The following FBP1 variants were observed in gnomAD, a reference collection of about 807,000 sequenced individuals.
FBP1 encodes the protein fructose-1,6-bisphosphatase 1.
Under a neutral mutation model 29.9 loss-of-function variants are expected in FBP1, and 22 were observed. The observed-to-expected ratio is 0.74, with a 90% confidence interval of 0.53 to 1.05. The LOEUF (loss-of-function observed/expected upper bound fraction) is 1.05, where lower values mean the gene tolerates loss of function less well. FBP1 is among the 50% of genes least tolerant of loss of function. The probability of loss-of-function intolerance (pLI) is 0.00; values close to 1 mark genes in which losing one functional copy is unlikely to be tolerated. For synonymous variants in FBP1, 175 were observed against 178.6 expected, an observed-to-expected ratio of 0.98 and a Z score of 0.16; for missense variants, 345 against 448.2, an observed-to-expected ratio of 0.77 and a Z score of 2.08.
chr9:94,634,071 A>C (rs371440455), intron 1 of FBP1, among the ~76,000 whole-genome samples: 3 of 150,854 alleles, frequency 2.0e-5, no homozygotes, highest in Non-Finnish European at 3.0e-5. Flanking sequence ...GGGCGGGCAG[A>C]TCACCTGAGG....
intron 3 of FBP1, among the ~76,000 whole-genome samples, chr9:94,613,346 T>C (rs569827425): frequency 6.6e-6 from 1 of 152,338 alleles, no homozygotes; most frequent in African/African-American, 2.4e-5. Context: ...TCAAAGAATC[T>C]TATTTTCTTA....
chr9:94,606,755 G>A (rs1302554595), intron 5 of FBP1, 60 bp downstream of exon 5: 1 of 1,561,128 alleles, frequency 6.4e-7, no homozygotes, highest in Non-Finnish European at 8.7e-7. Flanking sequence ...CCTGCCTCCA[G>A]AACGGCCTCT....
At chr9:94,616,550 C>T (rs1827865868) in intron 3 of FBP1, among the ~76,000 whole-genome samples, 1 of 150,182 alleles carries the variant, frequency 6.7e-6, no homozygotes, top group African/African-American at 2.5e-5. Flanking sequence ...AAGCGATTCT[C>T]CTGCCTCAGC....
At chr9:94,615,795 C>T (rs536076176) in intron 3 of FBP1, among the ~76,000 whole-genome samples, 1 of 150,538 alleles carries the variant, frequency 6.6e-6, no homozygotes, top group South Asian at 2.1e-4. Context: ...CAATAAGTCA[C>T]TTTTAGAGAT....
In FBP1 at chr9:94,617,697, A is replaced by G. The variant is rs149298462; in HGVS notation, c.426+71T>C. The G allele has an allele frequency of 2.4e-4, 233 of 978,040 alleles. No homozygotes were observed. In the African/African-American group the frequency reaches 3.5e-3, roughly 15 times the overall value. 60.6% of individuals were successfully genotyped at this position (978,040 alleles called of 1,614,324 possible). On this transcript the variant is annotated intron_variant, in intron 3 of 6. Transcript: ENST00000375326. ...ATCTCCACTCCGGCTGCTCTGCCACAGTGAAATAGGACTGGATGCTCAATC... is the reference window on the plus strand; with the variant it reads ...ATCTCCACTCCGGCTGCTCTGCCACGGTGAAATAGGACTGGATGCTCAATC...
At chr9:94,603,666 A>C (rs1827648897) in intron 6 of FBP1, 94 bp from the exon 7 acceptor site, 9 of 1,156,088 alleles carry the variant, frequency 7.8e-6, no homozygotes, top group Non-Finnish European at 1.2e-5. Context: ...AGCTGGTGGG[A>C]GTTTCCAAGG....
intron 3 of FBP1, among the ~76,000 whole-genome samples, chr9:94,616,050 A>T (rs929792344): frequency 3.3e-5 from 5 of 152,162 alleles, no homozygotes; most frequent in East Asian, 1.9e-4. Context: ...GGATGGTCTC[A>T]ATCTCCTGAC....
chr9:94,629,380 T>TG (rs1354120197), intron 1 of FBP1, among the ~76,000 whole-genome samples: 1 of 152,142 alleles, frequency 6.6e-6, no homozygotes, highest in African/African-American at 2.4e-5. Context: ...GCTGTTGATA[T>TG]GGGGGCGCTT....
In FBP1 at chr9:94,639,454, C is replaced by A; in HGVS notation, c.-144G>T. On this transcript the variant is annotated 5_prime_UTR_variant, in exon 1 of 7. Coordinates refer to ENST00000375326, the MANE Select transcript of FBP1 (RefSeq NM_000507.4). ...GGCAGGTGCGGGCCGCGGGACCTGG[C>A]GGGAGGACTGACAGACCGACTGCCG... is the stretch of plus-strand genomic sequence containing the variant. 1 of 934,920 alleles carries A rather than the reference C, an allele frequency of 1.1e-6. No homozygotes were observed. Among genetic ancestry groups the A allele is most frequent in the Non-Finnish European group, 1.7e-6 (1 of 601,002 alleles). 57.9% of individuals were successfully genotyped at this position (934,920 alleles called of 1,614,324 possible). A position where few individuals can be genotyped will look rare whatever the true frequency, so the allele number is the denominator to read the frequency against.
intron 1 of FBP1, among the ~76,000 whole-genome samples, chr9:94,626,961 G>T (rs1338132728): frequency 1.3e-5 from 2 of 152,138 alleles, no homozygotes; most frequent in Non-Finnish European, 2.9e-5. Context: ...GGCTGAGGCA[G>T]GTGGATCACC....
At chr9:94,630,743 C>T (rs1227871159) in intron 1 of FBP1, among the ~76,000 whole-genome samples, 1 of 152,236 alleles carries the variant, frequency 6.6e-6, no homozygotes, top group Non-Finnish European at 1.5e-5. Flanking sequence ...GAACTCAGCA[C>T]CAGAAAGACC....
chr9:94,628,473 CAG>C (rs1828057938), intron 1 of FBP1, among the ~76,000 whole-genome samples: 1 of 151,972 alleles, frequency 6.6e-6, no homozygotes, highest in African/African-American at 2.4e-5. Context: ...GGAGAAATGT[CAG>C]AGCATAAGGA....
chr9:94,640,171 G>A (rs1438432448), upstream of FBP1: 1 of 152,216 alleles, frequency 6.6e-6, no homozygotes, highest in Non-Finnish European at 1.5e-5. Flanking sequence ...GAAAACGGTC[G>A]CTGACACAGA....
chr9:94,628,622 C>T (rs530130327), intron 1 of FBP1, among the ~76,000 whole-genome samples: 1 of 152,244 alleles, frequency 6.6e-6, no homozygotes, highest in East Asian at 1.9e-4. Flanking sequence ...AGCAAGGAGG[C>T]CAAACGGGCT....
At chr9:94,616,956 GA>G (rs1827873435) in intron 3 of FBP1, among the ~76,000 whole-genome samples, 1 of 150,516 alleles carries the variant, frequency 6.6e-6, no homozygotes, top group South Asian at 2.1e-4. Flanking sequence ...CTCTCTCTCA[GA>G]AAAAGCAGCT....
At chr9:94,636,259 C>T (rs1016479654) in intron 1 of FBP1, among the ~76,000 whole-genome samples, 5 of 151,956 alleles carry the variant, frequency 3.3e-5, no homozygotes, top group Non-Finnish European at 5.9e-5. Flanking sequence ...GTGGGCAGAT[C>T]GCTTGAGCCC....
intron 1 of FBP1, among the ~76,000 whole-genome samples, chr9:94,638,810 C>T (rs1167423986): frequency 6.6e-6 from 1 of 152,164 alleles, no homozygotes; most frequent in Non-Finnish European, 1.5e-5. Context: ...GACGGGCAGG[C>T]CAGGTGCCCA....
chr9:94,604,773 ACT>A (rs914244245), intron 6 of FBP1, among the ~76,000 whole-genome samples: 18 of 152,190 alleles, frequency 1.2e-4, no homozygotes, highest in African/African-American at 4.1e-4. Context: ...GACGAGTAAG[ACT>A]CTGCCTAAAA....
intron 3 of FBP1, among the ~76,000 whole-genome samples, chr9:94,613,418 T>C (rs1198376520): frequency 6.6e-6 from 1 of 152,202 alleles, no homozygotes. Flanking sequence ...GGACAAACCA[T>C]GATGGTTACC....
Sources: gnomAD v4.1 joint callset for allele counts (sites outside exome capture counted in the v4.1 genomes callset) on GRCh38, gnomAD v4.1.1 for gene constraint, MANE v1.5 for transcripts, NCBI Gene and HGNC (gene_info 2026-07-23, HGNC 2026-07-21) for gene names.